Variants in HHAT observed in about 807,000 individuals in gnomAD.
The protein encoded by HHAT is protein-cysteine N-palmitoyltransferase HHAT.
A neutral mutation model predicts 70.8 loss-of-function variants in HHAT; 47 were observed. The ratio of observed to expected loss-of-function variants is 0.66; its 90% CI spans 0.53 to 0.85. HHAT has a LOEUF of 0.85. Ranked by LOEUF, HHAT falls within the 40% of genes least tolerant of loss-of-function variation. The pLI, the probability that HHAT is intolerant of heterozygous loss-of-function variation, is 0.00. For missense variants in HHAT, 609 were observed against 604.8 expected (o/e 1.01, Z -0.07); for synonymous variants, 228 against 247.6 (o/e 0.92, Z 0.74).
intron 3 of HHAT, among the ~76,000 whole-genome samples, chr1:210,383,653 G>T (rs76528742): frequency 0.019 from 2,862 of 152,256 alleles, 35 homozygotes; most frequent in Non-Finnish European, 0.03. Context: ...TATCAATGTA[G>T]GTTCACCAGT....
intron 7 of HHAT, among the ~76,000 whole-genome samples, chr1:210,449,664 A>C (rs1572523112): frequency 1.3e-5 from 2 of 152,326 alleles, no homozygotes; most frequent in East Asian, 3.9e-4. Context: ...TGAGTGTTCC[A>C]GTCCTAAACT....
At chr1:210,496,643 T>G (rs1305920381) in intron 8 of HHAT, among the ~76,000 whole-genome samples, 1 of 152,188 alleles carries the variant, frequency 6.6e-6, no homozygotes, top group Non-Finnish European at 1.5e-5. Flanking sequence ...TGCTGTACAG[T>G]GTCTAATACT....
At chr1:210,553,420 G>A (rs1483824274) in intron 9 of HHAT, among the ~76,000 whole-genome samples, 3 of 152,188 alleles carry the variant, frequency 2.0e-5, no homozygotes, top group African/African-American at 7.2e-5. Flanking sequence ...CTTCTGCTGA[G>A]GCCCTTTTAG....
chr1:210,607,889 C>A (rs758887944), intron 10 of HHAT, among the ~76,000 whole-genome samples: 3 of 152,118 alleles, frequency 2.0e-5, no homozygotes, highest in Non-Finnish European at 2.9e-5. Context: ...AAGAGGTAAC[C>A]ATTATTATCA....
chr1:210,507,803 T>A (rs1165224458), intron 8 of HHAT, among the ~76,000 whole-genome samples: 2 of 152,124 alleles, frequency 1.3e-5, no homozygotes. Context: ...ACTATACATT[T>A]CAAAATCACT....
intron 9 of HHAT, among the ~76,000 whole-genome samples, chr1:210,528,845 G>A (rs183621882): frequency 5.9e-5 from 9 of 152,262 alleles, no homozygotes; most frequent in African/African-American, 2.2e-4. Flanking sequence ...AATCTGTGAT[G>A]CACCTATGTC....
chr1:210,486,712 A>G (rs1047009727), intron 8 of HHAT, among the ~76,000 whole-genome samples: 4 of 152,184 alleles, frequency 2.6e-5, no homozygotes, highest in African/African-American at 7.2e-5. Flanking sequence ...TATAGTTTGT[A>G]TACTTACAAA....
chr1:210,599,221 A>C (rs1663690594), intron 10 of HHAT, among the ~76,000 whole-genome samples: 1 of 152,218 alleles, frequency 6.6e-6, no homozygotes, highest in Admixed American at 6.5e-5. Flanking sequence ...TAACTAATTT[A>C]GATCCCAGTA....
At chr1:210,396,977 AT>A (rs1558432401) in intron 4 of HHAT, among the ~76,000 whole-genome samples, 2 of 152,238 alleles carry the variant, frequency 1.3e-5, no homozygotes, top group African/African-American at 4.8e-5. Context: ...ACCATGGTAG[AT>A]ACCAAACCTA....
At chr1:210,359,272 C>T (rs1197760057) in intron 2 of HHAT, among the ~76,000 whole-genome samples, 3 of 152,152 alleles carry the variant, frequency 2.0e-5, no homozygotes, top group Admixed American at 2.0e-4. Flanking sequence ...AATAAAACTG[C>T]CTGTGCCAAA....
rs896996485 is a variant in HHAT at position 210,436,520 on chromosome 1, AT to A, written c.856+18196del. ...TGTGAAGACCGTCATTGGTATTTTG[AT>A]GGGGATAGAGCAGTTTCTGTGCCTG... On this transcript the variant is annotated intron_variant, in intron 7 of 11. Coordinates refer to ENST00000261458, the MANE Select transcript of HHAT (RefSeq NM_018194.6). 1.2e-4 allele frequency among the ~76,000 whole-genome samples: 18 copies of A among 151,596 alleles called. 1 individual carries two copies. Among genetic ancestry groups the A allele is most frequent in the African/African-American group, 4.4e-4 (18 of 41,046 alleles).
At chr1:210,507,346 ATTTTTCT>A (rs1264785709) in intron 8 of HHAT, among the ~76,000 whole-genome samples, 5 of 138,898 alleles carry the variant, frequency 3.6e-5, no homozygotes, top group South Asian at 2.3e-4. Context: ...TAAAGAAAAC[ATTTTTCT>A]TTTTTCTTTT....
Position 210,384,260 on chromosome 1 carries a change from G to A in HHAT, c.160-3208G>A, listed in dbSNP as rs140509465. Among the ~76,000 whole-genome samples the A allele has an allele frequency of 3.4e-3, 514 of 152,310 alleles. 2 individuals carry two copies. Among genetic ancestry groups the A allele is most frequent in the African/African-American group, 0.012 (478 of 41,564 alleles). Reference sequence around the variant, plus strand: ...ACTTGTTCAGTGAATTCCGAAGTCTGGGTGCCCAGAGCTTTGAACGGTGAA... The same window carrying A: ...ACTTGTTCAGTGAATTCCGAAGTCTAGGTGCCCAGAGCTTTGAACGGTGAA... On this transcript the variant is annotated intron_variant, in intron 3 of 11. Transcript: ENST00000261458.
At chr1:210,433,447 A>C (rs1284025227) in intron 7 of HHAT, among the ~76,000 whole-genome samples, 4 of 151,954 alleles carry the variant, frequency 2.6e-5, no homozygotes. Context: ...GCTGCAAGTT[A>C]ACAGAAATAG....
At chr1:210,383,456 G>A (rs1019877077) in intron 3 of HHAT, among the ~76,000 whole-genome samples, 1 of 152,184 alleles carries the variant, frequency 6.6e-6, no homozygotes, top group Non-Finnish European at 1.5e-5. Context: ...ATCATTGTTT[G>A]CCAGGGATTG....
intron 9 of HHAT, among the ~76,000 whole-genome samples, chr1:210,555,721 A>G (rs1462372034): frequency 6.6e-6 from 1 of 152,206 alleles, no homozygotes; most frequent in East Asian, 1.9e-4. Flanking sequence ...AAGCCCATAT[A>G]TATTGGTTGA....
intron 11 of HHAT, among the ~76,000 whole-genome samples, chr1:210,660,793 C>T (rs148751386): frequency 0.048 from 7,311 of 152,020 alleles, 268 homozygotes; most frequent in Non-Finnish European, 0.075. Context: ...TTGACAAACC[C>T]GACAAAAACA....
chr1:210,404,987 A>G (rs1307939957), intron 6 of HHAT, among the ~76,000 whole-genome samples: 1 of 152,202 alleles, frequency 6.6e-6, no homozygotes, highest in Non-Finnish European at 1.5e-5. Flanking sequence ...CCACTGTGGC[A>G]AAGTCCCAAG....
At chr1:210,486,692 G>C (rs1260073654) in intron 8 of HHAT, among the ~76,000 whole-genome samples, 2 of 152,156 alleles carry the variant, frequency 1.3e-5, no homozygotes, top group Non-Finnish European at 2.9e-5. Context: ...ATGTCCAATA[G>C]TACCTTTTCT....
Sources: gnomAD v4.1 joint callset for allele counts (sites outside exome capture counted in the v4.1 genomes callset) on GRCh38, gnomAD v4.1.1 for gene constraint, MANE v1.5 for transcripts, NCBI Gene and HGNC (gene_info 2026-07-23, HGNC 2026-07-21) for gene names.